Variants in SGCZ observed in about 807,000 individuals in gnomAD.
SGCZ encodes zeta-sarcoglycan.
SGCZ carries 40 observed loss-of-function variants against 41.3 expected under a neutral mutation model. The ratio of observed to expected loss-of-function variants is 0.97; its 90% CI spans 0.75 to 1.26. The LOEUF (loss-of-function observed/expected upper bound fraction) is 1.26. SGCZ is among the 50% of genes most tolerant of loss of function. The probability of loss-of-function intolerance (pLI) is 0.00; values close to 1 mark genes in which losing one functional copy is unlikely to be tolerated. For synonymous variants in SGCZ, 206 were observed against 137.5 expected, an observed-to-expected ratio of 1.50 and a Z score of -3.49; for missense variants, 552 against 369.8, an observed-to-expected ratio of 1.49 and a Z score of -4.04.
chr8:14,757,504 A>G (rs1227716182), intron 1 of SGCZ, among the ~76,000 whole-genome samples: 2 of 152,198 alleles, frequency 1.3e-5, no homozygotes, highest in Non-Finnish European at 2.9e-5. Flanking sequence ...AGTTCAGAGA[A>G]TAGAAACCTC....
At chr8:15,213,098 G>T (rs935166976) in intron 1 of SGCZ, among the ~76,000 whole-genome samples, 1 of 151,926 alleles carries the variant, frequency 6.6e-6, no homozygotes, top group Admixed American at 6.6e-5. Context: ...GGGGAAGGTT[G>T]GAAAACAGAT....
intron 1 of SGCZ, among the ~76,000 whole-genome samples, chr8:14,903,878 A>C (rs1480532869): frequency 6.6e-6 from 1 of 152,046 alleles, no homozygotes; most frequent in East Asian, 1.9e-4. Context: ...AAATATACAG[A>C]AATCTAGGGA....
intron 2 of SGCZ, among the ~76,000 whole-genome samples, chr8:14,339,093 T>C (rs1407856258): frequency 6.9e-6 from 1 of 143,944 alleles, no homozygotes; most frequent in Non-Finnish European, 1.6e-5. Flanking sequence ...CTATAACATA[T>C]TATGTTTTTT....
chr8:14,410,973 A>C (rs1799344514), intron 2 of SGCZ, among the ~76,000 whole-genome samples: 1 of 152,170 alleles, frequency 6.6e-6, no homozygotes, highest in South Asian at 2.1e-4. Context: ...AAAAAATTTC[A>C]ATAGCAATTT....
chr8:14,803,376 A>C (rs527423567), intron 1 of SGCZ, among the ~76,000 whole-genome samples: 58 of 152,216 alleles, frequency 3.8e-4, no homozygotes, highest in Admixed American at 1.6e-3. Flanking sequence ...TGCGCGCACC[A>C]TGCGCAAGCC....
At chr8:15,133,149 TATAAATAA>T (rs139910762) in intron 1 of SGCZ, among the ~76,000 whole-genome samples, 7 of 151,200 alleles carry the variant, frequency 4.6e-5, no homozygotes, top group African/African-American at 1.5e-4. Flanking sequence ...TCTCAAAATA[TATAAATAA>T]ATAAATAAAT....
chr8:14,971,007 T>A (rs1014502935), intron 1 of SGCZ, among the ~76,000 whole-genome samples: 1 of 152,208 alleles, frequency 6.6e-6, no homozygotes, highest in African/African-American at 2.4e-5. Context: ...ACATCTTCTG[T>A]AAGTTTTGTC....
intron 2 of SGCZ, among the ~76,000 whole-genome samples, chr8:14,373,118 T>C (rs888617752): frequency 7.9e-5 from 12 of 152,146 alleles, no homozygotes; most frequent in African/African-American, 2.7e-4. Flanking sequence ...AAAAGGATGG[T>C]AGCAACTGAT....
chr8:15,036,752 G>C (rs1226198560), intron 1 of SGCZ, among the ~76,000 whole-genome samples: 1 of 151,918 alleles, frequency 6.6e-6, no homozygotes, highest in Admixed American at 6.6e-5. Context: ...GCATTACTCT[G>C]ATACTGGGTT....
chr8:14,541,113 C>CA (rs1803453372), intron 2 of SGCZ, among the ~76,000 whole-genome samples: 1 of 151,430 alleles, frequency 6.6e-6, no homozygotes, highest in Non-Finnish European at 1.5e-5. Context: ...TTATATATAT[C>CA]AGATATAAAT....
At chr8:14,305,101 A>C (rs1801308855) in intron 3 of SGCZ, among the ~76,000 whole-genome samples, 1 of 152,184 alleles carries the variant, frequency 6.6e-6, no homozygotes, top group Non-Finnish European at 1.5e-5. Flanking sequence ...AAGATGGTAG[A>C]TAAAATAGAT....
intron 3 of SGCZ, among the ~76,000 whole-genome samples, chr8:14,244,060 A>T (rs1798988347): frequency 6.6e-6 from 1 of 152,190 alleles, no homozygotes; most frequent in Non-Finnish European, 1.5e-5. Context: ...GCACATTACA[A>T]GATCCAGGCT....
intron 2 of SGCZ, among the ~76,000 whole-genome samples, chr8:14,370,016 T>C (rs1051900546): frequency 2.6e-5 from 4 of 151,996 alleles, no homozygotes; most frequent in Non-Finnish European, 5.9e-5. Flanking sequence ...TCCTGTGTCT[T>C]TTCAAGATGT....
chr8:14,328,461 A>G (rs1802199151), intron 2 of SGCZ, among the ~76,000 whole-genome samples: 1 of 152,148 alleles, frequency 6.6e-6, no homozygotes, highest in Non-Finnish European at 1.5e-5. Flanking sequence ...TAATTTTATC[A>G]TCTGTAAATG....
At chr8:14,926,755 C>T (rs1010398388) in intron 1 of SGCZ, among the ~76,000 whole-genome samples, 1 of 152,074 alleles carries the variant, frequency 6.6e-6, no homozygotes, top group Non-Finnish European at 1.5e-5. Context: ...ATTCTCCTGC[C>T]TCAGCCTCCC....
At chr8:14,990,076 CTAA>C (rs1220512927) in intron 1 of SGCZ, among the ~76,000 whole-genome samples, 1 of 152,172 alleles carries the variant, frequency 6.6e-6, no homozygotes, top group Non-Finnish European at 1.5e-5. Context: ...CCTCCCAGTG[CTAA>C]CCCAAAATCA....
intron 1 of SGCZ, among the ~76,000 whole-genome samples, chr8:15,011,299 T>C (rs13251961): frequency 0.42 from 63,577 of 151,952 alleles, 13,810 homozygotes; most frequent in Non-Finnish European, 0.47. Context: ...GTTATTTATA[T>C]TCTTTGTCTA....
intron 7 of SGCZ, among the ~76,000 whole-genome samples, chr8:14,101,787 A>T (rs1802029265): frequency 6.6e-6 from 1 of 152,018 alleles, no homozygotes; most frequent in Admixed American, 6.6e-5. Context: ...AAAAAAAAAA[A>T]AAGGACTGTC....
At chr8:14,747,334 C>G (rs1253565055) in intron 1 of SGCZ, among the ~76,000 whole-genome samples, 1 of 152,124 alleles carries the variant, frequency 6.6e-6, no homozygotes, top group Non-Finnish European at 1.5e-5. Flanking sequence ...AACACAGTGG[C>G]TGAAGCTTTA....
Sources: allele counts gnomAD v4.1 joint callset (sites outside exome capture counted in the v4.1 genomes callset), GRCh38; gene constraint gnomAD v4.1.1; transcripts MANE v1.5; gene names NCBI Gene and HGNC (gene_info 2026-07-23, HGNC 2026-07-21).